Variants in CHD2 observed in about 807,000 individuals in gnomAD.
CHD2 encodes the protein ATP-dependent chromatin remodeler CHD2.
In CHD2, 28 loss-of-function variants were observed where a neutral mutation model predicts 243.9. The observed-to-expected ratio is 0.11, with a 90% CI of 0.09 to 0.16. The LOEUF (loss-of-function observed/expected upper bound fraction) is 0.16, where lower values mean the gene tolerates loss of function less well. Among genes scored for constraint, CHD2 ranks in the 10% least tolerant of loss-of-function variants. CHD2 has a pLI of 1.00. For synonymous variants in CHD2, 775 were observed against 779.0 expected (o/e 0.99, Z 0.09); for missense variants, 1,386 against 2,209.8 (o/e 0.63, Z 7.47).
In CHD2 at chr15:92,998,823, C is replaced by G. The variant is rs575014537; in HGVS notation, c.4008+202C>G. On this transcript the variant is annotated intron_variant, in intron 31 of 38. Transcript: ENST00000394196. This position sits in a 1 kb window ranked among gnomAD's most constrained non-coding sequence, Gnocchi z 5.1. ...TTTAGGCCTGGCGCAGTGGCTCATG[C>G]CTGTAATCCCAGCACTTTGGGAGGC... 1.3e-5 allele frequency among the ~76,000 whole-genome samples: 2 copies of G among 152,252 alleles called. No individual in the cohort carries two copies. Among genetic ancestry groups the G allele is most frequent in the South Asian group, 4.1e-4 (2 of 4,828 alleles).
intron 38 of CHD2, chr15:93,021,598 T>TC (rs2054535612): frequency 6.6e-6 from 1 of 152,240 alleles, no homozygotes; most frequent in Non-Finnish European, 1.5e-5. Context: ...TATTGCTACC[T>TC]CTTCAAGTTC....
At chr15:92,953,646 G>A in intron 14 of CHD2, 73 bp downstream of exon 14, 1 of 1,323,422 alleles carries the variant, frequency 7.6e-7, no homozygotes, top group Non-Finnish European at 1.1e-6. Flanking sequence ...AAAGCCTTCA[G>A]TAGATCATCA....
At chr15:92,943,372 G>T in intron 9 of CHD2, 1 of 325,262 alleles carries the variant, frequency 3.1e-6, no homozygotes. Flanking sequence ...GGGAGAATAC[G>T]GCACACAGCA....
chr15:92,926,532 A>C (rs1193905249), intron 3 of CHD2, among the ~76,000 whole-genome samples: 1 of 152,226 alleles, frequency 6.6e-6, no homozygotes, highest in African/African-American at 2.4e-5. Context: ...TGGGGAAGAA[A>C]GTGAAAATGA....
At chr15:93,007,973 G>A (rs1390766999) in intron 34 of CHD2, among the ~76,000 whole-genome samples, 1 of 152,232 alleles carries the variant, frequency 6.6e-6, no homozygotes, top group Non-Finnish European at 1.5e-5. Context: ...GTCAGCTCAT[G>A]TTTAAGAGTG....
intron 14 of CHD2, among the ~76,000 whole-genome samples, chr15:92,954,693 A>G (rs938729269): frequency 6.6e-6 from 1 of 152,220 alleles, no homozygotes; most frequent in Non-Finnish European, 1.5e-5. Context: ...AATGAACTCT[A>G]AAAAATTGTA....
At position 92,985,615 on chromosome 15, in the gene CHD2, C is replaced by T. The variant is rs370737593; in HGVS notation, c.3355C>T (p.Arg1119Cys). 4 of 1,613,722 alleles carry T rather than the reference C, an allele frequency of 2.5e-6. No individual in the cohort carries two copies. Among genetic ancestry groups the T allele is most frequent in the Non-Finnish European group, 3.4e-6 (4 of 1,179,988 alleles). ...TGACAAGAAGCCAAAGCGCAGAGGG[C>T]GTCCGAGGAGTGTGCGGAAGGACCT... ...DDDKKPKRRGRPRSVRKDLVE... is the reference protein window; with the variant it reads ...DDDKKPKRRGCPRSVRKDLVE... Residue 1119 changes from arginine to cysteine, a missense_variant, in exon 26 of 39, where the codon CGT becomes TGT. Physicochemically the swap from Arg to Cys is radical, Grantham distance 180. Coordinates refer to ENST00000394196, the MANE Select transcript of CHD2 (RefSeq NM_001271.4).
At chr15:92,977,537 C>G (rs2053925925) in intron 20 of CHD2, among the ~76,000 whole-genome samples, 1 of 152,058 alleles carries the variant, frequency 6.6e-6, no homozygotes, top group Non-Finnish European at 1.5e-5. Flanking sequence ...TATTCTTTTT[C>G]TCCTGCCCCC....
At chr15:92,967,583 T>C (rs1043167295) in intron 17 of CHD2, 70 bp downstream of exon 17, 9 of 1,135,520 alleles carry the variant, frequency 7.9e-6, no homozygotes, top group Admixed American at 2.5e-5. Flanking sequence ...ATAGGAGATA[T>C]ATATATATAC....
intron 28 of CHD2, among the ~76,000 whole-genome samples, chr15:92,996,291 C>A (rs955407562): frequency 2.0e-5 from 3 of 151,074 alleles, no homozygotes; most frequent in Non-Finnish European, 4.4e-5. Flanking sequence ...TCACGAGTGG[C>A]TGGGACTACA....
At chr15:93,022,872 C>T (rs1416391430) in intron 38 of CHD2, among the ~76,000 whole-genome samples, 10 of 152,214 alleles carry the variant, frequency 6.6e-5, no homozygotes, top group African/African-American at 2.4e-5. Flanking sequence ...GATCACTGTT[C>T]TTCATTGCCT....
chr15:92,959,859 T>C (rs1335825173), intron 16 of CHD2, among the ~76,000 whole-genome samples: 2 of 152,258 alleles, frequency 1.3e-5, no homozygotes, highest in Admixed American at 1.3e-4. Context: ...GTTTTGGTTA[T>C]TCTAGAATTC....
chr15:92,956,156 TG>T (rs2053615304), intron 15 of CHD2, among the ~76,000 whole-genome samples: 1 of 152,130 alleles, frequency 6.6e-6, no homozygotes, highest in East Asian at 1.9e-4. Context: ...CAGAATCATA[TG>T]GTTTTTTTGT....
chr15:92,940,784 AAAATATAT>A (rs376620697), intron 7 of CHD2, among the ~76,000 whole-genome samples: 5,951 of 142,770 alleles, frequency 0.042, 148 homozygotes, highest in Middle Eastern at 0.066. Context: ...AAAAATATAA[AAAATATAT>A]AAATATATAA....
At chr15:93,009,867 A>G (rs951436720) in intron 35 of CHD2, among the ~76,000 whole-genome samples, 1 of 152,246 alleles carries the variant, frequency 6.6e-6, no homozygotes, top group Non-Finnish European at 1.5e-5. Flanking sequence ...GTTCCTTTAT[A>G]TAGCCACTGA....
At chr15:92,942,407 T>A (rs550573284) in intron 8 of CHD2, among the ~76,000 whole-genome samples, 1 of 130,432 alleles carries the variant, frequency 7.7e-6, no homozygotes, top group South Asian at 2.7e-4. Context: ...TCTTTTGGCT[T>A]TTTTTTTTTT....
At chr15:92,983,806 C>G (rs905195918) in intron 24 of CHD2, among the ~76,000 whole-genome samples, 1 of 152,048 alleles carries the variant, frequency 6.6e-6, no homozygotes, top group Non-Finnish European at 1.5e-5. Flanking sequence ...GACTAAAGTG[C>G]ACTTGTGAGC....
Position 92,901,210 on chromosome 15 carries a change from C to T in CHD2, c.-28C>T, listed in dbSNP as rs776831435. ...ACTTCAAAGCAAACACAGATTCCCC[C>T]TCCCCCTTAATATTTAAGAATTAAA... On this transcript the variant is annotated 5_prime_UTR_variant, in exon 2 of 39. Coordinates refer to ENST00000394196, the MANE Select transcript of CHD2 (RefSeq NM_001271.4). The T allele has an allele frequency of 1.2e-5, 17 of 1,421,666 alleles. No individual in the cohort carries two copies. The highest frequency in any genetic ancestry group is 1.2e-4 in the Admixed American group (7 of 58,582). The allele number at this position is 1,421,666 out of a possible 1,614,324, so 88.1% of individuals were successfully genotyped here.
At chr15:93,014,655 C>T in intron 36 of CHD2, 41 bp from the exon 37 acceptor site, 2 of 1,569,372 alleles carry the variant, frequency 1.3e-6, no homozygotes, top group Non-Finnish European at 1.7e-6. Flanking sequence ...GGGAATTAAG[C>T]CTGGGATCTT....
Sources: allele counts gnomAD v4.1 joint callset (sites outside exome capture counted in the v4.1 genomes callset), GRCh38; gene constraint gnomAD v4.1.1; non-coding constraint Gnocchi (gnomAD v3.1); transcripts MANE v1.5; gene names NCBI Gene and HGNC (gene_info 2026-07-23, HGNC 2026-07-21).